SLC16A7: variants seen among roughly 807,000 people sequenced by gnomAD.
SLC16A7 encodes the protein solute carrier family 16 member 7.
SLC16A7 carries 33 observed loss-of-function variants against 34.9 expected under a neutral mutation model. That is an observed-to-expected ratio of 0.94 (90% CI 0.72 to 1.26). SLC16A7 has a LOEUF of 1.26. Among genes scored for constraint, SLC16A7 ranks in the 50% most tolerant of loss-of-function variants. The pLI, the probability that SLC16A7 is intolerant of heterozygous loss-of-function variation, is 0.00. For synonymous variants in SLC16A7, 201 were observed against 206.6 expected (o/e 0.97, Z 0.23); for missense variants, 573 against 578.1 (o/e 0.99, Z 0.09).
intron 3 of SLC16A7, among the ~76,000 whole-genome samples, chr12:59,766,229 G>A (rs1205135339): frequency 6.6e-6 from 1 of 152,082 alleles, no homozygotes; most frequent in Non-Finnish European, 1.5e-5. Flanking sequence ...GGAGATTTTG[G>A]GCTGAGACAT....
chr12:59,708,094 G>A (rs1269397540), intron 3 of SLC16A7, among the ~76,000 whole-genome samples: 5 of 152,114 alleles, frequency 3.3e-5, no homozygotes, highest in Non-Finnish European at 5.9e-5. Flanking sequence ...AATCTAATGT[G>A]GAAATAATTT....
rs544405786 is a variant in SLC16A7 at position 59,781,369 on chromosome 12, T to A, written c.*1690T>A. ...AGGGAATTAGCCATTTTTTTTATTG[T>A]AATAAAGGCAGGTGCTATTTTTTTC... On this transcript the variant is annotated 3_prime_UTR_variant, in exon 6 of 6. Transcript: ENST00000547379. 7.2e-5 allele frequency: 11 copies of A among 152,532 alleles called. No homozygotes were observed. Among genetic ancestry groups the A allele is most frequent in the Non-Finnish European group, 1.6e-4 (11 of 68,006 alleles). 9.4% of individuals were successfully genotyped at this position (152,532 alleles called of 1,614,324 possible).
chr12:59,676,693 G>A (rs1870340788), intron 2 of SLC16A7, among the ~76,000 whole-genome samples: 2 of 151,912 alleles, frequency 1.3e-5, no homozygotes, highest in African/African-American at 4.8e-5. Flanking sequence ...ATTAAAGAAG[G>A]AAACAAAATG....
In SLC16A7 at chr12:59,786,019, A is replaced by C. The variant is rs2137511580; in HGVS notation, c.*6340A>C. 4 of 119,344 alleles carry C rather than the reference A, an allele frequency of 3.4e-5. No homozygotes were observed. The South Asian group carries it at 1.1e-3, about 32-fold the overall frequency. 7.4% of individuals were successfully genotyped at this position (119,344 alleles called of 1,614,324 possible). ...ATGGACACAGGAAGGGGAACATCAC[A>C]CTCTGGGGACTGTGGTGGGGTCGGG... On this transcript the variant is annotated 3_prime_UTR_variant, in exon 6 of 6. Coordinates refer to ENST00000547379, the MANE Select transcript of SLC16A7 (RefSeq NM_001270623.2).
chr12:59,702,075 G>A (rs945120506), intron 2 of SLC16A7, among the ~76,000 whole-genome samples: 24 of 151,580 alleles, frequency 1.6e-4, no homozygotes, highest in Non-Finnish European at 2.5e-4. Flanking sequence ...TATTCTTCTA[G>A]GGTTTCTTTT....
At chr12:59,686,936 A>T (rs1446234593) in intron 2 of SLC16A7, among the ~76,000 whole-genome samples, 3 of 152,064 alleles carry the variant, frequency 2.0e-5, no homozygotes, top group Non-Finnish European at 4.4e-5. Flanking sequence ...GTAGATTTTA[A>T]GTGTTCTCAT....
At chr12:59,665,647 T>C (rs1486161195) in intron 2 of SLC16A7, among the ~76,000 whole-genome samples, 2 of 152,094 alleles carry the variant, frequency 1.3e-5, no homozygotes, top group Non-Finnish European at 2.9e-5. Flanking sequence ...AATAAAAATA[T>C]TGTATACATT....
chr12:59,721,231 AACTTCAATTCCT>A (rs1280693669), intron 3 of SLC16A7, among the ~76,000 whole-genome samples: 1 of 151,974 alleles, frequency 6.6e-6, no homozygotes, highest in African/African-American at 2.4e-5. Context: ...CCCAGAAGGT[AACTTCAATTCCT>A]ACTTCATTCA....
chr12:59,719,590 AAT>A (rs1176078679), intron 3 of SLC16A7: 1 of 152,216 alleles, frequency 6.6e-6, no homozygotes, highest in Non-Finnish European at 1.5e-5. Flanking sequence ...AAAAGTATTA[AAT>A]ATATATTTTA....
At chr12:59,703,601 C>T (rs1310616517) in intron 2 of SLC16A7, among the ~76,000 whole-genome samples, 12 of 152,154 alleles carry the variant, frequency 7.9e-5, no homozygotes, top group African/African-American at 2.9e-4. Context: ...TCTTATTTAG[C>T]TATTTTACTT....
chr12:59,637,730 G>C (rs1365225954), intron 1 of SLC16A7, among the ~76,000 whole-genome samples: 1 of 152,112 alleles, frequency 6.6e-6, no homozygotes, highest in Non-Finnish European at 1.5e-5. Context: ...AAGTTCATGT[G>C]TTGGAAAGTT....
chr12:59,682,741 A>G (rs1417348228), intron 2 of SLC16A7, among the ~76,000 whole-genome samples: 4 of 152,178 alleles, frequency 2.6e-5, no homozygotes, highest in Admixed American at 2.0e-4. Context: ...AACTTTGTAC[A>G]TGAAAGCAAG....
intron 1 of SLC16A7, among the ~76,000 whole-genome samples, chr12:59,607,050 C>A: frequency 6.6e-6 from 1 of 152,148 alleles, no homozygotes; most frequent in East Asian, 1.9e-4. Flanking sequence ...TATATCCACA[C>A]CTGTTTGTTT....
intron 3 of SLC16A7, among the ~76,000 whole-genome samples, chr12:59,728,669 A>G (rs1433035489): frequency 3.3e-5 from 5 of 152,164 alleles, no homozygotes; most frequent in Non-Finnish European, 7.3e-5. Flanking sequence ...AGTCTGCAGT[A>G]AGCTAAGATT....
chr12:59,719,548 C>T (rs1875322136), intron 3 of SLC16A7: 1 of 152,012 alleles, frequency 6.6e-6, no homozygotes, highest in Admixed American at 6.6e-5. Context: ...TAGATAAATT[C>T]ATTAGTGATA....
intron 1 of SLC16A7, among the ~76,000 whole-genome samples, chr12:59,653,465 A>C (rs560554485): frequency 1.1e-4 from 17 of 151,730 alleles, no homozygotes; most frequent in African/African-American, 4.1e-4. Flanking sequence ...AAGTTATATA[A>C]TTTTAGTGGT....
At chr12:59,677,681 G>A (rs1704263620) in intron 2 of SLC16A7, among the ~76,000 whole-genome samples, 1 of 152,118 alleles carries the variant, frequency 6.6e-6, no homozygotes, top group African/African-American at 2.4e-5. Context: ...TATAACTTCT[G>A]TCTTCAACTG....
chr12:59,632,780 G>A (rs1880240551), intron 1 of SLC16A7, among the ~76,000 whole-genome samples: 1 of 152,032 alleles, frequency 6.6e-6, no homozygotes, highest in African/African-American at 2.4e-5. Context: ...AATGCCAAAA[G>A]GAGCAGCCAG....
intron 1 of SLC16A7, among the ~76,000 whole-genome samples, chr12:59,627,412 A>G (rs1353724986): frequency 6.6e-6 from 1 of 151,830 alleles, no homozygotes; most frequent in Non-Finnish European, 1.5e-5. Context: ...ACGGTTATCT[A>G]TATATGTGTG....
Sources: gnomAD v4.1 joint callset for allele counts (sites outside exome capture counted in the v4.1 genomes callset) on GRCh38, gnomAD v4.1.1 for gene constraint, MANE v1.5 for transcripts, NCBI Gene and HGNC (gene_info 2026-07-23, HGNC 2026-07-21) for gene names.